The following SPMAP2L variants were observed in gnomAD, a reference collection of about 807,000 sequenced individuals.
SPMAP2L encodes sperm microtubule associated protein 2 like.
chr4:56,548,895 C>T, the SPMAP2L span: 1 of 1,073,902 alleles, frequency 9.3e-7, no homozygotes, highest in Non-Finnish European at 1.2e-6. Context: ...GGGGCAGATT[C>T]ATTTGACGTG....
At chr4:56,604,828 C>G in the SPMAP2L span, among the ~76,000 whole-genome samples, 1 of 152,040 alleles carries the variant, frequency 6.6e-6, no homozygotes, top group Non-Finnish European at 1.5e-5. Context: ...AGTCGTAAAA[C>G]AAAACAAAAT....
the SPMAP2L span, among the ~76,000 whole-genome samples, chr4:56,578,712 A>T: frequency 6.6e-6 from 1 of 152,186 alleles, no homozygotes; most frequent in African/African-American, 2.4e-5. Context: ...ATATCAGACA[A>T]TATAGACTTT....
At chr4:56,577,517 T>C in the SPMAP2L span, among the ~76,000 whole-genome samples, 1 of 151,452 alleles carries the variant, frequency 6.6e-6, no homozygotes, top group South Asian at 2.1e-4. Context: ...AAAAGGGAGG[T>C]GGAGGTTGCA....
At chr4:56,580,254 TA>T in the SPMAP2L span, among the ~76,000 whole-genome samples, 1 of 151,720 alleles carries the variant, frequency 6.6e-6, no homozygotes, top group South Asian at 2.1e-4. Context: ...CAGCAAAATG[TA>T]AAAAAAATTA....
the SPMAP2L span, among the ~76,000 whole-genome samples, chr4:56,553,977 T>C: frequency 0.12 from 16,292 of 136,418 alleles, 962 homozygotes; most frequent in East Asian, 0.21. Context: ...CTTAGTAATA[T>C]GCATTTAAGC....
At chr4:56,554,082 T>C in the SPMAP2L span, among the ~76,000 whole-genome samples, 2,115 of 152,272 alleles carry the variant, frequency 0.014, 54 homozygotes, top group African/African-American at 0.049. Flanking sequence ...AGATGTATCA[T>C]AGATTATCCA....
the SPMAP2L span, chr4:56,603,123 C>A: frequency 2.3e-6 from 2 of 857,750 alleles, no homozygotes; most frequent in Non-Finnish European, 3.5e-6. Flanking sequence ...TATCATAGTA[C>A]ATAACATACA....
the SPMAP2L span, among the ~76,000 whole-genome samples, chr4:56,543,153 G>C: frequency 6.7e-6 from 1 of 149,546 alleles, no homozygotes; most frequent in Non-Finnish European, 1.5e-5. Context: ...GTGCGATCTT[G>C]GCTCACTGAA....
At chr4:56,555,223 G>A in the SPMAP2L span, among the ~76,000 whole-genome samples, 5 of 152,238 alleles carry the variant, frequency 3.3e-5, no homozygotes, top group African/African-American at 1.2e-4. Flanking sequence ...ACAGGCATGA[G>A]CCACCGTGCC....
the SPMAP2L span, chr4:56,575,376 G>A: frequency 9.0e-7 from 1 of 1,107,090 alleles, no homozygotes; most frequent in Non-Finnish European, 1.2e-6. Context: ...TCCTCACATG[G>A]AAAATAGATC....
At chr4:56,546,965 C>T in the SPMAP2L span, among the ~76,000 whole-genome samples, 1 of 152,158 alleles carries the variant, frequency 6.6e-6, no homozygotes, top group African/African-American at 2.4e-5. Context: ...TGTTTAAATT[C>T]ATAGCCTGCC....
the SPMAP2L span, among the ~76,000 whole-genome samples, chr4:56,606,310 C>T: frequency 6.6e-6 from 1 of 152,142 alleles, no homozygotes. Flanking sequence ...TGCGCATTTG[C>T]TCTTGGAGAA....
At chr4:56,538,784 C>T in the SPMAP2L span, among the ~76,000 whole-genome samples, 1 of 152,148 alleles carries the variant, frequency 6.6e-6, no homozygotes, top group Non-Finnish European at 1.5e-5. Context: ...GCCTGGGCAA[C>T]AGAGCAAGAC....
chr4:56,554,206 G>A, the SPMAP2L span, among the ~76,000 whole-genome samples: 2 of 152,218 alleles, frequency 1.3e-5, no homozygotes, highest in Admixed American at 6.5e-5. Flanking sequence ...TAGCTAATTT[G>A]GGTAAATTGC....
At chr4:56,540,901 C>A in the SPMAP2L span, among the ~76,000 whole-genome samples, 2 of 152,310 alleles carry the variant, frequency 1.3e-5, no homozygotes, top group African/African-American at 2.4e-5. Context: ...AAAGAAATGT[C>A]AATGTTTGAA....
chr4:56,601,001 T>C, the SPMAP2L span: 3 of 1,535,342 alleles, frequency 2.0e-6, no homozygotes, highest in South Asian at 1.2e-5. Flanking sequence ...TCCAAGTCTG[T>C]TCATCAAGAT....
the SPMAP2L span, chr4:56,592,985 C>G: frequency 8.9e-5 from 142 of 1,603,378 alleles, no homozygotes; most frequent in Non-Finnish European, 1.1e-4. Flanking sequence ...AATGGAAGAC[C>G]CTGTTTGTGA....
At chr4:56,564,204 G>T in the SPMAP2L span, among the ~76,000 whole-genome samples, 1 of 149,536 alleles carries the variant, frequency 6.7e-6, no homozygotes, top group African/African-American at 2.5e-5. Context: ...CATGATGTCT[G>T]CTCACTGCAA....
the SPMAP2L span, among the ~76,000 whole-genome samples, chr4:56,574,825 T>G: frequency 4.0e-5 from 6 of 150,970 alleles, no homozygotes; most frequent in Non-Finnish European, 8.8e-5. Flanking sequence ...ACGAAAAAAT[T>G]TTAAAAAGTT....
Sources: allele counts gnomAD v4.1 joint callset (sites outside exome capture counted in the v4.1 genomes callset), GRCh38; gene constraint gnomAD v4.1.1; transcripts MANE v1.5; gene names NCBI Gene and HGNC (gene_info 2026-07-23, HGNC 2026-07-21).